Variants in SH3GL3 observed in about 807,000 individuals in gnomAD.
SH3GL3 encodes endophilin-A3.
SH3GL3 carries 33 observed loss-of-function variants against 47.7 expected under a neutral mutation model. That is an observed-to-expected ratio of 0.69 (90% CI 0.52 to 0.92). SH3GL3 has a LOEUF of 0.92. Ranked by LOEUF, SH3GL3 falls within the 40% of genes least tolerant of loss-of-function variation. SH3GL3 has a pLI of 0.00. For synonymous variants in SH3GL3, 155 were observed against 148.8 expected, an observed-to-expected ratio of 1.04 and a Z score of -0.30; for missense variants, 363 against 417.8, an observed-to-expected ratio of 0.87 and a Z score of 1.14.
the SH3GL3 span, among the ~76,000 whole-genome samples, chr15:83,626,411 C>A: frequency 6.6e-6 from 1 of 152,188 alleles, no homozygotes; most frequent in Non-Finnish European, 1.5e-5. Context: ...AAAGATTCTG[C>A]TCTGTGGGTC....
chr15:83,628,753 AAAAAC>A, the SH3GL3 span, among the ~76,000 whole-genome samples: 3 of 152,264 alleles, frequency 2.0e-5, no homozygotes, highest in African/African-American at 4.8e-5. Flanking sequence ...TCTCAAAAAC[AAAAAC>A]AAAACAAAAC....
At chr15:83,527,362 A>G (rs1040602581) in intron 1 of SH3GL3, among the ~76,000 whole-genome samples, 1 of 152,180 alleles carries the variant, frequency 6.6e-6, no homozygotes, top group African/African-American at 2.4e-5. Flanking sequence ...CCCTTTAGAT[A>G]TAATAATATT....
chr15:83,588,752 C>T lies in SH3GL3; in HGVS notation c.819C>T (p.Thr273=). 6.3e-7 allele frequency: 1 copy of T among 1,599,514 alleles called. No homozygotes were observed. The highest frequency in any genetic ancestry group is 1.1e-5 in the South Asian group (1 of 90,772). The change falls in exon 8 of 9, where the codon ACC becomes ACT. Residue 273 remains threonine, a synonymous_variant. Transcript: ENST00000427482. Reference sequence around the variant, plus strand: ...GTGAGCTCAATGGAGTTTCCACCACCTCTGTAGTGAAGACGACAGGTAAGT... The same window carrying T: ...GTGAGCTCAATGGAGTTTCCACCACTTCTGTAGTGAAGACGACAGGTAAGT... ...SSSELNGVST[T]SVVKTTGSNI...
chr15:83,575,078 G>A (rs1482368308), intron 5 of SH3GL3, among the ~76,000 whole-genome samples: 6 of 152,228 alleles, frequency 3.9e-5, no homozygotes, highest in Non-Finnish European at 4.4e-5. Flanking sequence ...TTGTGGGTAC[G>A]TAGTAGGTGT....
intron 1 of SH3GL3, among the ~76,000 whole-genome samples, chr15:83,484,100 A>G (rs561617240): frequency 6.6e-6 from 1 of 152,340 alleles, no homozygotes; most frequent in East Asian, 1.9e-4. Flanking sequence ...TGTATCTTTC[A>G]GCAATCTCAA....
chr15:83,614,981 G>T (rs1209230756), intron 8 of SH3GL3, among the ~76,000 whole-genome samples: 1 of 151,994 alleles, frequency 6.6e-6, no homozygotes, highest in East Asian at 1.9e-4. Context: ...AGTGGAGAAA[G>T]AACATAATCT....
intron 4 of SH3GL3, 146 bp from the exon 5 acceptor site, chr15:83,572,419 A>T: frequency 3.3e-6 from 2 of 613,958 alleles, no homozygotes; most frequent in African/African-American, 1.9e-5. Context: ...TTTCTTTTTC[A>T]TTCTGATCCA....
chr15:83,535,590 A>G (rs1267785812), intron 1 of SH3GL3, among the ~76,000 whole-genome samples: 2 of 152,208 alleles, frequency 1.3e-5, no homozygotes, highest in African/African-American at 4.8e-5. Flanking sequence ...GTCCCCAGAC[A>G]CTGTTGAGAT....
At chr15:83,450,081 G>C (rs2039663074) in intron 1 of SH3GL3, among the ~76,000 whole-genome samples, 1 of 152,180 alleles carries the variant, frequency 6.6e-6, no homozygotes, top group Non-Finnish European at 1.5e-5. Context: ...CTCAGCCACT[G>C]ACCAGCTCTG....
intron 1 of SH3GL3, among the ~76,000 whole-genome samples, chr15:83,527,073 C>T (rs1456768862): frequency 6.6e-6 from 1 of 152,118 alleles, no homozygotes; most frequent in East Asian, 1.9e-4. Flanking sequence ...TAGCCTGAAA[C>T]TGTACTGAAT....
At chr15:83,625,559 G>T in the SH3GL3 span, among the ~76,000 whole-genome samples, 2 of 152,014 alleles carry the variant, frequency 1.3e-5, no homozygotes, top group South Asian at 2.1e-4. Flanking sequence ...TCGCTGTTGT[G>T]GTTATATAAT....
intron 1 of SH3GL3, among the ~76,000 whole-genome samples, chr15:83,468,865 C>T (rs2040705135): frequency 7.5e-6 from 1 of 133,946 alleles, no homozygotes; most frequent in African/African-American, 2.7e-5. Flanking sequence ...GGGAAATGTT[C>T]TTTCCTGTTC....
intron 1 of SH3GL3, among the ~76,000 whole-genome samples, chr15:83,467,556 A>G (rs547131721): frequency 1.7e-4 from 26 of 152,354 alleles, no homozygotes; most frequent in African/African-American, 6.3e-4. Flanking sequence ...ACTCTTGTCT[A>G]TATAAAAAAA....
chr15:83,487,604 G>A (rs903911446), intron 1 of SH3GL3, among the ~76,000 whole-genome samples: 7 of 152,010 alleles, frequency 4.6e-5, no homozygotes, highest in Non-Finnish European at 8.8e-5. Context: ...CTGGTCATAG[G>A]CATCAGACTG....
intron 6 of SH3GL3, among the ~76,000 whole-genome samples, chr15:83,580,185 T>A (rs567606926): frequency 6.6e-6 from 1 of 152,320 alleles, no homozygotes; most frequent in East Asian, 1.9e-4. Context: ...AACCTCTTGT[T>A]GCCATGTTGC....
chr15:83,604,131 A>G (rs928283898), intron 8 of SH3GL3, among the ~76,000 whole-genome samples: 1 of 152,132 alleles, frequency 6.6e-6, no homozygotes. Context: ...GGGCAACAAG[A>G]GTGAAACTCT....
In SH3GL3 at chr15:83,555,976, A is replaced by G. The variant is rs187980127; in HGVS notation, c.46-3277A>G. 1.4e-3 allele frequency among the ~76,000 whole-genome samples: 210 copies of G among 152,312 alleles called. 2 individuals carry two copies. The highest frequency in any genetic ancestry group is 4.9e-3 in the African/African-American group (202 of 41,576). On this transcript the variant is annotated intron_variant, in intron 1 of 8. Coordinates refer to ENST00000427482, the MANE Select transcript of SH3GL3 (RefSeq NM_003027.5). ...GATATTTAATTTATCCTTGCTATGT[A>G]TTCAAGGCATAAAGAGTGCATATTT...
intron 2 of SH3GL3, among the ~76,000 whole-genome samples, chr15:83,564,115 C>T (rs975775004): frequency 6.6e-6 from 1 of 152,102 alleles, no homozygotes; most frequent in African/African-American, 2.4e-5. Flanking sequence ...TCTTCCCACT[C>T]CAGTATTTCA....
At chr15:83,484,596 A>G (rs1281504868) in intron 1 of SH3GL3, among the ~76,000 whole-genome samples, 1 of 150,740 alleles carries the variant, frequency 6.6e-6, no homozygotes, top group East Asian at 2.0e-4. Flanking sequence ...GTTTTTTTGT[A>G]TCTCTTTTCT....
Sources: gnomAD v4.1 joint callset for allele counts (sites outside exome capture counted in the v4.1 genomes callset) on GRCh38, gnomAD v4.1.1 for gene constraint, MANE v1.5 for transcripts, NCBI Gene and HGNC (gene_info 2026-07-23, HGNC 2026-07-21) for gene names.